Variants in MAGI2 observed in about 807,000 individuals in gnomAD.
The protein encoded by MAGI2 is membrane associated guanylate kinase, WW and PDZ domain containing 2, also known as membrane-associated guanylate kinase, WW and PDZ domain-containing protein 2.
A neutral mutation model predicts 133.3 loss-of-function variants in MAGI2; 35 were observed. That is an observed-to-expected ratio of 0.26 (90% CI 0.20 to 0.35). The LOEUF is 0.35. MAGI2 is among the 10% of genes least tolerant of loss of function. The pLI is 1.00. For synonymous variants in MAGI2, 729 were observed against 710.6 expected, an observed-to-expected ratio of 1.03 and a Z score of -0.41; for missense variants, 1,636 against 1,863.4, an observed-to-expected ratio of 0.88 and a Z score of 2.25.
chr7:79,416,894 C>G (rs1028148227), intron 1 of MAGI2, among the ~76,000 whole-genome samples: 30 of 151,422 alleles, frequency 2.0e-4, no homozygotes, highest in African/African-American at 7.3e-4. Flanking sequence ...GCCACCATGC[C>G]TGAAAAATTT....
At chr7:78,925,515 G>T (rs1309653604) in intron 2 of MAGI2, among the ~76,000 whole-genome samples, 1 of 151,956 alleles carries the variant, frequency 6.6e-6, no homozygotes, top group African/African-American at 2.4e-5. Context: ...GTCTCAAAGT[G>T]TGGCCTAGGG....
At chr7:79,267,577 G>T (rs1834568192) in intron 1 of MAGI2, among the ~76,000 whole-genome samples, 1 of 152,178 alleles carries the variant, frequency 6.6e-6, no homozygotes, top group Non-Finnish European at 1.5e-5. Context: ...ATGCAGTTTA[G>T]TTGCTTAAGT....
chr7:79,061,545 G>GT (rs917765190), intron 1 of MAGI2, among the ~76,000 whole-genome samples: 7 of 151,832 alleles, frequency 4.6e-5, no homozygotes, highest in East Asian at 1.9e-4. Context: ...TAGCTCTGAA[G>GT]TTTTTTTTGA....
At chr7:78,130,530 C>A (rs547349131) in intron 18 of MAGI2, among the ~76,000 whole-genome samples, 1 of 152,274 alleles carries the variant, frequency 6.6e-6, no homozygotes, top group East Asian at 1.9e-4. Context: ...GATACCATGG[C>A]CATCTTTAAA....
At chr7:78,996,241 AG>A (rs1806298893) in intron 2 of MAGI2, among the ~76,000 whole-genome samples, 1 of 151,874 alleles carries the variant, frequency 6.6e-6, no homozygotes. Flanking sequence ...CAAATTAAAA[AG>A]ATAAGAAGAG....
intron 16 of MAGI2, among the ~76,000 whole-genome samples, chr7:78,135,754 G>A (rs1325384872): frequency 6.6e-6 from 1 of 152,206 alleles, no homozygotes; most frequent in East Asian, 1.9e-4. Flanking sequence ...TGTTAAATGG[G>A]TAGTAGCCAC....
intron 1 of MAGI2, among the ~76,000 whole-genome samples, chr7:79,135,085 G>A (rs1358059126): frequency 6.6e-6 from 1 of 152,170 alleles, no homozygotes; most frequent in Non-Finnish European, 1.5e-5. Context: ...TCTGCACAGT[G>A]TCTAAAAGTC....
intron 1 of MAGI2, among the ~76,000 whole-genome samples, chr7:79,254,810 G>T (rs1833570479): frequency 6.6e-6 from 1 of 152,104 alleles, no homozygotes; most frequent in African/African-American, 2.4e-5. Context: ...AAACACAATA[G>T]AAAGTAAATG....
At chr7:78,697,989 G>A (rs1488242381) in intron 2 of MAGI2, among the ~76,000 whole-genome samples, 2 of 152,060 alleles carry the variant, frequency 1.3e-5, no homozygotes. Context: ...GATGTTAGGA[G>A]GACTATTAAG....
intron 14 of MAGI2, chr7:78,170,295 C>T (rs1825992396): frequency 6.6e-6 from 1 of 152,212 alleles, no homozygotes; most frequent in Non-Finnish European, 1.5e-5. Flanking sequence ...AAATTCCTCT[C>T]TTGCTGTAGG....
chr7:79,238,427 T>C (rs565929423), intron 1 of MAGI2, among the ~76,000 whole-genome samples: 9 of 152,292 alleles, frequency 5.9e-5, no homozygotes, highest in African/African-American at 2.2e-4. Flanking sequence ...ATTTGACCCT[T>C]TGTATTTTCT....
In MAGI2 at chr7:79,127,013, A is replaced by G. The variant is rs956846694; in HGVS notation, c.302-119807T>C. Reference sequence around the variant, plus strand: ...CCCCTTCCTGTGTCCATGTGTTCTCATTGTTCAATTCCCACCTATGAGTGA... The same window carrying G: ...CCCCTTCCTGTGTCCATGTGTTCTCGTTGTTCAATTCCCACCTATGAGTGA... On this transcript the variant is annotated intron_variant, in intron 1 of 21. Coordinates refer to ENST00000354212, the MANE Select transcript of MAGI2 (RefSeq NM_012301.4). Among the ~76,000 whole-genome samples the G allele has an allele frequency of 3.7e-5, 5 of 134,468 alleles. No homozygotes were observed. The East Asian group carries it at 1.1e-3, about 29-fold the overall frequency. The allele number at this position is 134,468 out of a possible 152,430, so 88.2% of individuals were successfully genotyped here. A position where few individuals can be genotyped will look rare whatever the true frequency, so the allele number is the denominator to read the frequency against.
intron 1 of MAGI2, among the ~76,000 whole-genome samples, chr7:79,444,594 T>A (rs1848716372): frequency 6.6e-6 from 1 of 151,234 alleles, no homozygotes; most frequent in Admixed American, 6.6e-5. Context: ...TACCTAGGAA[T>A]CCACCTTACA....
At chr7:78,089,299 C>T (rs1816953084) in intron 20 of MAGI2, among the ~76,000 whole-genome samples, 1 of 152,140 alleles carries the variant, frequency 6.6e-6, no homozygotes, top group Admixed American at 6.5e-5. Context: ...AGCCAGAAGG[C>T]AAGAGTGTTT....
chr7:79,051,761 A>T (rs1812693106), intron 1 of MAGI2, among the ~76,000 whole-genome samples: 1 of 152,208 alleles, frequency 6.6e-6, no homozygotes, highest in Non-Finnish European at 1.5e-5. Context: ...CAAAGCTAAG[A>T]ATCATGCAAA....
chr7:78,419,600 ATTTTTTT>A (rs149554875), intron 6 of MAGI2, among the ~76,000 whole-genome samples: 3 of 144,596 alleles, frequency 2.1e-5, no homozygotes, highest in Non-Finnish European at 3.0e-5. Flanking sequence ...TTGAGCAGTG[ATTTTTTT>A]TTTTTTTTTT....
At chr7:78,151,961 A>C (rs1186744220) in intron 16 of MAGI2, among the ~76,000 whole-genome samples, 1 of 152,200 alleles carries the variant, frequency 6.6e-6, no homozygotes, top group East Asian at 1.9e-4. Flanking sequence ...CCTTGAAAAA[A>C]ACCTATCAGG....
chr7:78,095,462 G>C (rs889741279), intron 20 of MAGI2, among the ~76,000 whole-genome samples: 1 of 152,142 alleles, frequency 6.6e-6, no homozygotes, highest in African/African-American at 2.4e-5. Flanking sequence ...GGGAGTGCTG[G>C]CTTCTCTAGA....
intron 21 of MAGI2, among the ~76,000 whole-genome samples, chr7:78,020,588 A>G (rs1272080254): frequency 1.3e-5 from 2 of 152,002 alleles, no homozygotes; most frequent in African/African-American, 4.8e-5. Flanking sequence ...AAAAAGGTCC[A>G]TGCATAAATC....
Sources: gnomAD v4.1 joint callset for allele counts (sites outside exome capture counted in the v4.1 genomes callset) on GRCh38, gnomAD v4.1.1 for gene constraint, MANE v1.5 for transcripts, NCBI Gene and HGNC (gene_info 2026-07-23, HGNC 2026-07-21) for gene names.